The following NARS2 variants were observed in gnomAD, a reference collection of about 807,000 sequenced individuals.
The protein encoded by NARS2 is asparaginyl-tRNA synthetase.
NARS2 carries 60 observed loss-of-function variants against 62.9 expected under a neutral mutation model. The observed-to-expected ratio is 0.95, with a 90% confidence interval of 0.77 to 1.18. The LOEUF (loss-of-function observed/expected upper bound fraction) is 1.18. Ranked by LOEUF, NARS2 falls within the 50% of genes most tolerant of loss-of-function variation. The pLI is 0.00. For synonymous variants in NARS2, 196 were observed against 200.0 expected (o/e 0.98, Z 0.17); for missense variants, 619 against 576.4 (o/e 1.07, Z -0.76).
At chr11:78,512,154 T>G (rs111966432) in intron 6 of NARS2, among the ~76,000 whole-genome samples, 1 of 152,230 alleles carries the variant, frequency 6.6e-6, no homozygotes, top group African/African-American at 2.4e-5. Context: ...GACTTAGTCT[T>G]CAAACTCTGA....
chr11:78,459,428 G>A (rs1298964939), intron 11 of NARS2, among the ~76,000 whole-genome samples: 5 of 149,944 alleles, frequency 3.3e-5, no homozygotes, highest in African/African-American at 1.0e-4. Context: ...GTACCACCAC[G>A]CCCAGCTAAT....
intron 5 of NARS2, among the ~76,000 whole-genome samples, chr11:78,549,969 A>T (rs1215281270): frequency 6.6e-6 from 1 of 152,220 alleles, no homozygotes; most frequent in East Asian, 1.9e-4. Context: ...ACTTAAATAG[A>T]CATTTTTCCA....
intron 9 of NARS2, among the ~76,000 whole-genome samples, chr11:78,477,953 G>A (rs531575103): frequency 1.3e-5 from 2 of 152,160 alleles, no homozygotes; most frequent in South Asian, 4.2e-4. Context: ...GCCCTCAAAC[G>A]TGGTTGGTCG....
At chr11:78,523,828 G>A (rs1439349883) in intron 6 of NARS2, among the ~76,000 whole-genome samples, 1 of 152,036 alleles carries the variant, frequency 6.6e-6, no homozygotes, top group Admixed American at 6.6e-5. Context: ...AAGAGGATAG[G>A]GAGTGAATGC....
intron 6 of NARS2, among the ~76,000 whole-genome samples, chr11:78,498,116 G>A (rs2135345589): frequency 6.6e-6 from 1 of 152,258 alleles, no homozygotes; most frequent in South Asian, 2.1e-4. Context: ...AGGTCCCAAG[G>A]TAGGAAGGAG....
rs1859219837 is a variant in NARS2, at chr11:78,478,741, T to A, written c.823-58A>T. On this transcript the variant is annotated intron_variant, in intron 7 of 13. Transcript: ENST00000281038. ...TAAGCAATTTTACATGAAAAACCTG[T>A]TCAGGACTCAATAAGGACCGCATTC... 14 of 1,074,842 alleles carry A rather than the reference T, an allele frequency of 1.3e-5. No individual in the cohort carries two copies. The South Asian group carries it at 2.0e-4, about 15-fold the overall frequency. 66.6% of individuals were successfully genotyped at this position (1,074,842 alleles called of 1,614,324 possible).
chr11:78,489,123 T>C (rs1456549459), intron 7 of NARS2, among the ~76,000 whole-genome samples: 1 of 151,948 alleles, frequency 6.6e-6, no homozygotes, highest in Non-Finnish European at 1.5e-5. Flanking sequence ...AATGATAAAC[T>C]AGATGTCATC....
At chr11:78,553,586 G>C (rs1196611870) in intron 5 of NARS2, among the ~76,000 whole-genome samples, 1 of 152,192 alleles carries the variant, frequency 6.6e-6, no homozygotes, top group Non-Finnish European at 1.5e-5. Context: ...ACCATGCCTA[G>C]CCATTTGCCC....
chr11:78,570,822 A>G (rs10793336), intron 2 of NARS2, among the ~76,000 whole-genome samples: 108,686 of 151,442 alleles, frequency 0.72, 39,433 homozygotes, highest in Non-Finnish European at 0.79. Context: ...AACCTCAGGA[A>G]ATTAAGAGTC....
intron 11 of NARS2, among the ~76,000 whole-genome samples, chr11:78,449,621 T>C (rs985871337): frequency 6.6e-6 from 1 of 152,182 alleles, no homozygotes; most frequent in Non-Finnish European, 1.5e-5. Context: ...GGCTAAGCTA[T>C]AGTCACAAAC....
chr11:78,499,330 G>T (rs1214344996), intron 6 of NARS2, among the ~76,000 whole-genome samples: 1 of 151,936 alleles, frequency 6.6e-6, no homozygotes, highest in Non-Finnish European at 1.5e-5. Flanking sequence ...AAGAGATGGG[G>T]TCTCCTATGT....
chr11:78,569,175 G>A (rs1215721229), intron 2 of NARS2, among the ~76,000 whole-genome samples: 1 of 152,082 alleles, frequency 6.6e-6, no homozygotes, highest in Non-Finnish European at 1.5e-5. Context: ...CACATAAGGT[G>A]CTACTTTCTA....
Position 78,469,292 on chromosome 11 carries a change from C to G in NARS2, c.981G>C (p.Val327=). 1 of 1,613,412 alleles carries G rather than the reference C, an allele frequency of 6.2e-7. No homozygotes were observed. The highest frequency in any genetic ancestry group is 2.2e-5 in the East Asian group (1 of 44,814). The change falls in exon 10 of 14, where the codon GTG becomes GTC. Residue 327 remains valine (V), a synonymous_variant. Coordinates refer to ENST00000281038, the MANE Select transcript of NARS2 (RefSeq NM_024678.6). ...TCTGGGATGCTTGCTTTAAGATCTCCACTGCTTCAGTATAAGAAATGCTGG... is the reference window on the plus strand; with the variant it reads ...TCTGGGATGCTTGCTTTAAGATCTCGACTGCTTCAGTATAAGAAATGCTGG... ...NFLIISYTEA[V]EILKQASQNF... is the part of the protein sequence containing the mutation.
chr11:78,459,459 G>A (rs1268164047), intron 11 of NARS2, among the ~76,000 whole-genome samples: 4 of 150,572 alleles, frequency 2.7e-5, no homozygotes, highest in African/African-American at 7.4e-5. Context: ...TAGTAGAGAC[G>A]GGGTTTCTCC....
intron 11 of NARS2, among the ~76,000 whole-genome samples, chr11:78,460,271 A>AT (rs112389422): frequency 0.12 from 17,047 of 145,064 alleles, 2,093 homozygotes; most frequent in African/African-American, 0.31. Flanking sequence ...GATTGGGTTA[A>AT]TTTTTTTTTT....
At chr11:78,481,471 C>A (rs759161639) in intron 7 of NARS2, among the ~76,000 whole-genome samples, 7 of 152,274 alleles carry the variant, frequency 4.6e-5, no homozygotes, top group Non-Finnish European at 1.0e-4. Context: ...TATGCCTGCA[C>A]TGTTGAGGGA....
At chr11:78,482,758 C>T (rs560849680) in intron 7 of NARS2, among the ~76,000 whole-genome samples, 2 of 152,088 alleles carry the variant, frequency 1.3e-5, no homozygotes, top group Non-Finnish European at 2.9e-5. Context: ...CAATAGCCTA[C>T]CAACCAAAAA....
chr11:78,446,532 C>A (rs1857766988), intron 11 of NARS2, among the ~76,000 whole-genome samples: 1 of 152,074 alleles, frequency 6.6e-6, no homozygotes, highest in Non-Finnish European at 1.5e-5. Context: ...TCTTTTCTTA[C>A]CTTCAATCCA....
At chr11:78,471,154 G>A (rs561147473) in intron 9 of NARS2, among the ~76,000 whole-genome samples, 12 of 152,302 alleles carry the variant, frequency 7.9e-5, no homozygotes, top group African/African-American at 2.6e-4. Flanking sequence ...GGTGGTGGCA[G>A]TGGTGTTGGT....
Sources: allele counts gnomAD v4.1 joint callset (sites outside exome capture counted in the v4.1 genomes callset), GRCh38; gene constraint gnomAD v4.1.1; transcripts MANE v1.5; gene names NCBI Gene and HGNC (gene_info 2026-07-23, HGNC 2026-07-21).